ZNF609: variants seen among roughly 807,000 people sequenced by gnomAD.
ZNF609 encodes the protein zinc finger protein 609.
Under a neutral mutation model 109.5 loss-of-function variants are expected in ZNF609, and 11 were observed. That is an observed-to-expected ratio of 0.10 (90% CI 0.06 to 0.17). The LOEUF (loss-of-function observed/expected upper bound fraction) is 0.17, where lower values mean the gene tolerates loss of function less well. ZNF609 is among the 10% of genes least tolerant of loss of function. The pLI is 1.00. For synonymous variants in ZNF609, 646 were observed against 662.0 expected (o/e 0.98, Z 0.37); for missense variants, 1,559 against 1,772.4 (o/e 0.88, Z 2.16).
intron 3 of ZNF609, among the ~76,000 whole-genome samples, chr15:64,660,579 T>G (rs1162929431): frequency 6.6e-6 from 1 of 152,228 alleles, no homozygotes; most frequent in African/African-American, 2.4e-5. Context: ...TGTCCCTTAC[T>G]TTAAAAGCCT....
chr15:64,512,360 G>T (rs1465895046), intron 2 of ZNF609, among the ~76,000 whole-genome samples: 2 of 151,980 alleles, frequency 1.3e-5, no homozygotes, highest in African/African-American at 4.8e-5. Flanking sequence ...TTTCTATGTA[G>T]ATTAGAAAGG....
intron 2 of ZNF609, among the ~76,000 whole-genome samples, chr15:64,540,248 A>G (rs1344472705): frequency 6.6e-6 from 1 of 152,158 alleles, no homozygotes; most frequent in Non-Finnish European, 1.5e-5. Context: ...AGGGAGAGAG[A>G]TGTGGGGAGG....
intron 2 of ZNF609, among the ~76,000 whole-genome samples, chr15:64,594,054 G>A (rs527907801): frequency 1.3e-5 from 2 of 152,250 alleles, no homozygotes; most frequent in Admixed American, 1.3e-4. Flanking sequence ...GCATGGCTCT[G>A]CCCTCTTGAA....
intron 2 of ZNF609, among the ~76,000 whole-genome samples, chr15:64,576,949 C>CATATATGTATATATACACATAA (rs1894969094): frequency 1.9e-5 from 1 of 52,190 alleles, no homozygotes; most frequent in Admixed American, 2.4e-4. Flanking sequence ...TAAATATATA[C>CATATATGTATATATACACATAA]ATATATGTAT....
chr15:64,658,267 G>A (rs1223851927), intron 3 of ZNF609, among the ~76,000 whole-genome samples: 2 of 151,738 alleles, frequency 1.3e-5, no homozygotes, highest in Admixed American at 6.6e-5. Context: ...GCACGATCTC[G>A]GCTCACCGCA....
rs141046759 is a variant in ZNF609, at chr15:64,495,783, C to A, written c.-127-3510C>A. 2.2e-3 allele frequency among the ~76,000 whole-genome samples: 332 copies of A among 148,030 alleles called. 1 individual carries two copies. Among genetic ancestry groups the A allele is most frequent in the African/African-American group, 8.0e-3 (323 of 40,274 alleles). ...TTTTTTAGTGTTAAATCCTTTTGTC[C>A]TTTCAACTAAGTTACACATTTTCAT... On this transcript the variant is annotated intron_variant, in intron 1 of 9. Transcript: ENST00000326648.
In ZNF609 at chr15:64,678,236, A is replaced by G. The variant is rs753040114; in HGVS notation, c.3523A>G (p.Lys1175Glu). 6.2e-7 allele frequency: 1 copy of G among 1,614,198 alleles called. No individual in the cohort carries two copies. The highest frequency in any genetic ancestry group is 8.5e-7 in the Non-Finnish European group (1 of 1,180,028). The stretch of plus-strand genomic sequence containing the variant: ...ATTGAAGGAGGAAAGGAGTCGGAGT[A>G]AGGACTCTGTCCCCAAGGAAGATGG... ...RKLKEERSRSKDSVPKEDGKE... is the reference protein window; with the variant it reads ...RKLKEERSRSEDSVPKEDGKE... Residue 1175 changes from lysine (K) to glutamate (E), a missense_variant, in exon 6 of 10, where the codon AAG (lysine) becomes GAG (glutamate). By Grantham distance (56) the Lys-to-Glu change is moderately conservative (BLOSUM62 1). Transcript: ENST00000326648.
Position 64,680,797 on chromosome 15 carries a change from AC to A in ZNF609, c.4099del (p.His1367ThrfsTer73). On this transcript the variant is annotated frameshift_variant, in exon 8 of 10. Transcript: ENST00000326648. LOFTEE classifies it high-confidence loss of function. ...CCTTCCCAGCGCCTGATGTCCACAC[AC>A]CACCACCACCACCACTTGGGGTACT... is the stretch of plus-strand genomic sequence containing the variant. Reference protein sequence around the residue: ...TSPSQRLMSTHHHHHHLGYSL... With the variant: ...TSPSQRLMSTXHHHHHLGYSL... The A allele has an allele frequency of 6.2e-7, 1 of 1,610,090 alleles. No individual in the cohort carries two copies.
chr15:64,529,513 T>C (rs568102001), intron 2 of ZNF609: 3 of 1,144,236 alleles, frequency 2.6e-6, no homozygotes, highest in South Asian at 2.4e-5. Context: ...GAATTTGCCA[T>C]GTGTAGAATC....
chr15:64,474,110 C>A (rs1253930596), intron 1 of ZNF609, among the ~76,000 whole-genome samples: 2 of 151,508 alleles, frequency 1.3e-5, no homozygotes, highest in Non-Finnish European at 2.9e-5. Context: ...GTTTCACCAT[C>A]TTGGCCAGGC....
At chr15:64,610,088 G>A (rs1895692908) in intron 2 of ZNF609, among the ~76,000 whole-genome samples, 1 of 152,116 alleles carries the variant, frequency 6.6e-6, no homozygotes, top group Non-Finnish European at 1.5e-5. Flanking sequence ...TGTAATCCTA[G>A]CACTTTGGGA....
intron 2 of ZNF609, among the ~76,000 whole-genome samples, chr15:64,571,917 C>A (rs1458226906): frequency 1.3e-5 from 2 of 152,242 alleles, no homozygotes; most frequent in East Asian, 3.9e-4. Context: ...AGTGATCTCA[C>A]AAAGTGCTGG....
At chr15:64,627,826 C>T (rs879782365) in intron 3 of ZNF609, among the ~76,000 whole-genome samples, 7 of 151,270 alleles carry the variant, frequency 4.6e-5, no homozygotes, top group Admixed American at 2.0e-4. Context: ...TGCCGCCGTA[C>T]TCAGCTAATT....
At chr15:64,545,329 G>C (rs570959541) in intron 2 of ZNF609, among the ~76,000 whole-genome samples, 1 of 151,978 alleles carries the variant, frequency 6.6e-6, no homozygotes, top group Non-Finnish European at 1.5e-5. Flanking sequence ...CTCCCGAGTA[G>C]CTGGAACTAT....
intron 2 of ZNF609, among the ~76,000 whole-genome samples, chr15:64,567,343 G>A (rs865956056): frequency 1.2e-4 from 18 of 151,808 alleles, no homozygotes; most frequent in African/African-American, 3.4e-4. Flanking sequence ...TTAGCTGGAC[G>A]TGGTGGTGCG....
At chr15:64,583,639 A>G (rs1480814291) in intron 2 of ZNF609, among the ~76,000 whole-genome samples, 1 of 152,064 alleles carries the variant, frequency 6.6e-6, no homozygotes, top group Non-Finnish European at 1.5e-5. Flanking sequence ...TGAGTGTTTC[A>G]TTTCATCTCT....
At chr15:64,652,644 T>C (rs1315336648) in intron 3 of ZNF609, among the ~76,000 whole-genome samples, 3 of 152,140 alleles carry the variant, frequency 2.0e-5, no homozygotes, top group Non-Finnish European at 2.9e-5. Flanking sequence ...CACCTTGGCC[T>C]CTCAAAGTGC....
At chr15:64,641,490 A>G (rs1255798342) in intron 3 of ZNF609, among the ~76,000 whole-genome samples, 2 of 151,914 alleles carry the variant, frequency 1.3e-5, no homozygotes, top group Non-Finnish European at 2.9e-5. Flanking sequence ...CTGGGATTAC[A>G]GGAGTGAGCC....
At chr15:64,671,587 C>A (rs1325006542) in intron 4 of ZNF609, among the ~76,000 whole-genome samples, 2 of 152,048 alleles carry the variant, frequency 1.3e-5, no homozygotes, top group Non-Finnish European at 2.9e-5. Flanking sequence ...CGCAATTTGA[C>A]CTTTAGATGG....
Sources: gnomAD v4.1 joint callset for allele counts (sites outside exome capture counted in the v4.1 genomes callset) on GRCh38, gnomAD v4.1.1 for gene constraint, MANE v1.5 for transcripts, NCBI Gene and HGNC (gene_info 2026-07-23, HGNC 2026-07-21) for gene names.